Variants in GABRB3 observed in about 807,000 individuals in gnomAD.
GABRB3 encodes the protein gamma-aminobutyric acid receptor subunit beta-3.
In GABRB3, 14 loss-of-function variants were observed where a neutral mutation model predicts 52.1. The observed-to-expected ratio is 0.27, with a 90% CI of 0.18 to 0.42. GABRB3 has a LOEUF of 0.42. GABRB3 is among the 10% of genes least tolerant of loss of function. The pLI is 1.00. For synonymous variants in GABRB3, 260 were observed against 232.3 expected (o/e 1.12, Z -1.08); for missense variants, 307 against 609.1 (o/e 0.50, Z 5.22).
intron 3 of GABRB3, among the ~76,000 whole-genome samples, chr15:26,771,284 T>G (rs940483960): frequency 6.6e-6 from 1 of 152,182 alleles, no homozygotes; most frequent in African/African-American, 2.4e-5. Context: ...TAGTTTTAAA[T>G]GCAGGGACCC....
chr15:26,624,661 T>G, intron 3 of GABRB3: 1 of 985,368 alleles, frequency 1.0e-6, no homozygotes, highest in Non-Finnish European at 1.2e-6. Context: ...GAAAAAACAG[T>G]ATGAAAATCC....
intron 3 of GABRB3, among the ~76,000 whole-genome samples, chr15:26,647,817 T>C (rs1216087414): frequency 6.6e-6 from 1 of 152,086 alleles, no homozygotes; most frequent in Non-Finnish European, 1.5e-5. Flanking sequence ...TGGCCAGCAC[T>C]AGGGACAATT....
At chr15:26,772,201 G>A in intron 3 of GABRB3, 2 of 486,542 alleles carry the variant, frequency 4.1e-6, no homozygotes, top group Non-Finnish European at 7.1e-6. Context: ...CGGCTCCGAC[G>A]CCAGCCAGGC....
chr15:26,584,261 A>C (rs141403043), intron 4 of GABRB3, among the ~76,000 whole-genome samples: 2 of 152,142 alleles, frequency 1.3e-5, no homozygotes, highest in African/African-American at 2.4e-5. Flanking sequence ...TCTTACCTTC[A>C]ATTTTTGTTT....
intron 3 of GABRB3, among the ~76,000 whole-genome samples, chr15:26,732,323 TGGATGGATGGATGGAC>T (rs1321402331): frequency 8.9e-6 from 1 of 112,702 alleles, no homozygotes; most frequent in Non-Finnish European, 1.9e-5. Context: ...GATGGATGGA[TGGATGGATGGATGGAC>T]GGACAGATGA....
intron 4 of GABRB3, chr15:26,590,354 G>T (rs919075910): frequency 6.6e-6 from 1 of 152,138 alleles, no homozygotes; most frequent in African/African-American, 2.4e-5. Context: ...GGCGAGAGTT[G>T]TATTTGTGGC....
chr15:26,745,479 G>A (rs916730908), intron 3 of GABRB3, among the ~76,000 whole-genome samples: 7 of 152,088 alleles, frequency 4.6e-5, no homozygotes, highest in South Asian at 2.1e-4. Context: ...TCATGCACTC[G>A]TGGGTGTGTA....
chr15:26,743,281 C>A (rs1890258040), intron 3 of GABRB3, among the ~76,000 whole-genome samples: 1 of 152,138 alleles, frequency 6.6e-6, no homozygotes, highest in African/African-American at 2.4e-5. Context: ...ATACTCTTTT[C>A]TTCTGCCTCC....
intron 5 of GABRB3, 135 bp downstream of exon 5, chr15:26,583,193 CTCTG>C: frequency 1.4e-6 from 1 of 716,274 alleles, no homozygotes; most frequent in Non-Finnish European, 2.6e-6. Context: ...CTCTCTCTCT[CTCTG>C]TGTTTCTCTC....
At chr15:26,773,067 G>C (rs1595364226), upstream of GABRB3, 9 of 1,052,234 alleles carry the variant, frequency 8.6e-6, no homozygotes, top group Non-Finnish European at 1.0e-5. Flanking sequence ...CCGCCGCGCT[G>C]GCCCGGAGCG....
chr15:26,549,789 G>A (rs1889390441), intron 8 of GABRB3, among the ~76,000 whole-genome samples: 1 of 152,024 alleles, frequency 6.6e-6, no homozygotes, highest in Non-Finnish European at 1.5e-5. Flanking sequence ...TCACCTCATT[G>A]CAAGATCCAA....
chr15:26,674,409 A>AG, intron 3 of GABRB3, among the ~76,000 whole-genome samples: 1 of 129,490 alleles, frequency 7.7e-6, no homozygotes. Flanking sequence ...TCAAAAAAAA[A>AG]AAAAAAAAAA....
rs59100810 is a variant in GABRB3 at position 26,554,037 on chromosome 15, T to TATATA, written c.1081-5904_1081-5903insTATAT. ...CCTGACTATTTATATATATATATAT[T>TATATA]TATTTATTTATATTTATTTATATAT... On this transcript the variant is annotated intron_variant, in intron 8 of 8. Coordinates refer to ENST00000311550, the MANE Select transcript of GABRB3 (RefSeq NM_000814.6). Among the ~76,000 whole-genome samples the TATATA allele has an allele frequency of 4.6e-3, 268 of 58,468 alleles. 42 individuals carry two copies. Among genetic ancestry groups the TATATA allele is most frequent in the East Asian group, 0.013 (46 of 3,564 alleles). The allele number at this position is 58,468 out of a possible 152,430, so 38.4% of individuals were successfully genotyped here.
chr15:26,742,541 T>C lies in GABRB3; in HGVS notation c.240+29861A>G, dbSNP rs7166477. Among the ~76,000 whole-genome samples the C allele has an allele frequency of 4.2e-3, 638 of 152,362 alleles. 8 individuals carry two copies. Among genetic ancestry groups the C allele is most frequent in the African/African-American group, 0.015 (626 of 41,578 alleles). ...GCATGAGATAGAAAACTGTGTCTAA[T>C]GTTTTCACCCAACACCTTAAGTAGA... On this transcript the variant is annotated intron_variant, in intron 3 of 8. Coordinates refer to ENST00000311550, the MANE Select transcript of GABRB3 (RefSeq NM_000814.6).
chr15:26,731,535 GT>G (rs1207131418), intron 3 of GABRB3, among the ~76,000 whole-genome samples: 1 of 152,210 alleles, frequency 6.6e-6, no homozygotes, highest in Non-Finnish European at 1.5e-5. Flanking sequence ...AGATATGCCA[GT>G]GGGGGATGCA....
At chr15:26,603,157 AT>A (rs1891650210) in intron 4 of GABRB3, among the ~76,000 whole-genome samples, 1 of 152,066 alleles carries the variant, frequency 6.6e-6, no homozygotes, top group Non-Finnish European at 1.5e-5. Context: ...AAACTGAAAA[AT>A]CTAAAAGAAA....
At chr15:26,662,182 T>C (rs1037030226) in intron 3 of GABRB3, among the ~76,000 whole-genome samples, 7 of 152,206 alleles carry the variant, frequency 4.6e-5, no homozygotes, top group African/African-American at 1.4e-4. Context: ...TCTATACTTA[T>C]CCTCTTTCAT....
At chr15:26,712,698 A>T (rs1889337398) in intron 3 of GABRB3, among the ~76,000 whole-genome samples, 1 of 152,034 alleles carries the variant, frequency 6.6e-6, no homozygotes, top group Non-Finnish European at 1.5e-5. Flanking sequence ...CAGTGTGTGG[A>T]AGGCACTGGA....
chr15:26,584,306 TACAG>T (rs976633876), intron 4 of GABRB3, among the ~76,000 whole-genome samples: 15 of 152,330 alleles, frequency 9.8e-5, no homozygotes, highest in Non-Finnish European at 1.8e-4. Flanking sequence ...GCCTCTCTAC[TACAG>T]ACAGAGCCTA....
Sources: gnomAD v4.1 joint callset for allele counts (sites outside exome capture counted in the v4.1 genomes callset) on GRCh38, gnomAD v4.1.1 for gene constraint, MANE v1.5 for transcripts, NCBI Gene and HGNC (gene_info 2026-07-23, HGNC 2026-07-21) for gene names.